FRAS1: variants seen among roughly 807,000 people sequenced by gnomAD.
FRAS1 encodes Fraser extracellular matrix complex subunit 1, also known as extracellular matrix organizing protein FRAS1.
FRAS1 carries 290 observed loss-of-function variants against 435.2 expected under a neutral mutation model. That is an observed-to-expected ratio of 0.67 (90% confidence interval 0.61 to 0.73). The LOEUF is 0.73. Among genes scored for constraint, FRAS1 ranks in the 30% least tolerant of loss-of-function variants. The pLI, the probability that FRAS1 is intolerant of heterozygous loss-of-function variation, is 0.00. For synonymous variants in FRAS1, 1,800 were observed against 1,851.0 expected (o/e 0.97, Z 0.71); for missense variants, 4,860 against 5,001.5 (o/e 0.97, Z 0.85).
At chr4:78,514,737 C>G (rs373919608) in intron 65 of FRAS1, among the ~76,000 whole-genome samples, 13 of 152,210 alleles carry the variant, frequency 8.5e-5, no homozygotes, top group African/African-American at 2.9e-4. Flanking sequence ...ATTTATCAAC[C>G]CTTTTAAAAT....
chr4:78,116,324 G>T (rs1431629114), intron 2 of FRAS1, among the ~76,000 whole-genome samples: 1 of 152,186 alleles, frequency 6.6e-6, no homozygotes, highest in Non-Finnish European at 1.5e-5. Context: ...GGGGTGGAGA[G>T]TTCTGCAGAT....
At chr4:78,182,751 G>A (rs1407667760) in intron 2 of FRAS1, among the ~76,000 whole-genome samples, 2 of 151,882 alleles carry the variant, frequency 1.3e-5, no homozygotes, top group Non-Finnish European at 2.9e-5. Flanking sequence ...ATGGTGGCAC[G>A]TGCCTGTAAT....
intron 14 of FRAS1, among the ~76,000 whole-genome samples, chr4:78,301,978 A>T (rs1248506151): frequency 1.3e-5 from 2 of 149,874 alleles, no homozygotes; most frequent in Non-Finnish European, 2.9e-5. Flanking sequence ...AGCATTAGGT[A>T]TATCTCCCAA....
At chr4:78,285,567 A>C (rs1727549249) in intron 13 of FRAS1, among the ~76,000 whole-genome samples, 1 of 151,308 alleles carries the variant, frequency 6.6e-6, no homozygotes, top group Non-Finnish European at 1.5e-5. Context: ...TGAGTAGCTG[A>C]GATTACAGGC....
rs1722088768 is a variant in FRAS1, at chr4:78,542,498, G to A, written c.*1374G>A. 6.5e-6 allele frequency: 1 copy of A among 152,764 alleles called. No homozygotes were observed. Among genetic ancestry groups the A allele is most frequent in the South Asian group, 2.1e-4 (1 of 4,826 alleles). 9.5% of individuals were successfully genotyped at this position (152,764 alleles called of 1,614,324 possible). A position where few individuals can be genotyped will look rare whatever the true frequency, so the allele number is the denominator to read the frequency against. On this transcript the variant is annotated 3_prime_UTR_variant, in exon 74 of 74. Coordinates refer to ENST00000512123, the MANE Select transcript of FRAS1 (RefSeq NM_025074.7). Reference sequence around the variant, plus strand: ...AGTAAAAGACATGTCCTCTTCTGATGCATGGCACACCATAGTCACCAAGCA... The same window carrying A: ...AGTAAAAGACATGTCCTCTTCTGATACATGGCACACCATAGTCACCAAGCA...
intron 2 of FRAS1, among the ~76,000 whole-genome samples, chr4:78,201,202 G>A (rs1005868081): frequency 2.6e-5 from 4 of 152,062 alleles, no homozygotes; most frequent in Non-Finnish European, 4.4e-5. Context: ...TGGGAACACC[G>A]GTGCTTTTCA....
At chr4:78,191,851 T>C (rs1290356905) in intron 2 of FRAS1, among the ~76,000 whole-genome samples, 1 of 152,190 alleles carries the variant, frequency 6.6e-6, no homozygotes, top group Non-Finnish European at 1.5e-5. Context: ...TTCATCCATG[T>C]CCCTACAAAG....
intron 31 of FRAS1, among the ~76,000 whole-genome samples, chr4:78,411,547 T>C (rs1399822502): frequency 6.6e-6 from 1 of 152,192 alleles, no homozygotes; most frequent in Non-Finnish European, 1.5e-5. Context: ...CATGGCATAG[T>C]GCAAAGAAAG....
At chr4:78,205,034 G>A (rs1723198885) in intron 2 of FRAS1, among the ~76,000 whole-genome samples, 1 of 152,170 alleles carries the variant, frequency 6.6e-6, no homozygotes, top group Non-Finnish European at 1.5e-5. Context: ...GGGACTTGCT[G>A]GGTGGTGGAG....
chr4:78,091,823 A>C (rs567523601), intron 2 of FRAS1, among the ~76,000 whole-genome samples: 2 of 151,960 alleles, frequency 1.3e-5, no homozygotes, highest in African/African-American at 2.4e-5. Context: ...ACATTTGACC[A>C]AATGAATATA....
intron 52 of FRAS1, among the ~76,000 whole-genome samples, chr4:78,472,748 A>T (rs1375176160): frequency 1.3e-5 from 2 of 152,226 alleles, no homozygotes; most frequent in Admixed American, 6.5e-5. Context: ...TCAGCCTAGA[A>T]ATTAAAATCA....
At chr4:78,087,922 C>T (rs1741281427) in intron 2 of FRAS1, among the ~76,000 whole-genome samples, 1 of 152,296 alleles carries the variant, frequency 6.6e-6, no homozygotes, top group African/African-American at 2.4e-5. Context: ...TTGGAAAAAA[C>T]TACTTTAAAG....
At chr4:78,292,906 C>T (rs1159135534) in intron 14 of FRAS1, among the ~76,000 whole-genome samples, 1 of 152,208 alleles carries the variant, frequency 6.6e-6, no homozygotes, top group Non-Finnish European at 1.5e-5. Flanking sequence ...TTCAGAACTT[C>T]TTTGGCATTC....
intron 2 of FRAS1, chr4:78,072,079 T>C (rs1464319150): frequency 2.6e-5 from 4 of 152,098 alleles, no homozygotes; most frequent in Non-Finnish European, 5.9e-5. Context: ...GATCAATGCT[T>C]TCTTGAATAA....
In FRAS1 at chr4:78,379,940, C is replaced by T. The variant is rs753364630; in HGVS notation, c.3507C>T (p.Ser1169=). Residue 1169 remains serine (S), a synonymous_variant, in exon 27 of 74, where the codon AGC becomes AGT. Transcript: ENST00000512123. ...AGCTGGACAAGGCTGGCCGTTTTAG[C>T]TGGAAAGATGTGAACGAGAAGAAAG... ...EVQLDKAGRF[S]WKDVNEKKVR... 8.1e-6 allele frequency: 13 copies of T among 1,613,832 alleles called. No homozygotes were observed. Among genetic ancestry groups the T allele is most frequent in the Middle Eastern group, 1.7e-4 (1 of 6,060 alleles).
chr4:78,302,138 AATG>A (rs1474509018), intron 14 of FRAS1, among the ~76,000 whole-genome samples: 1 of 150,790 alleles, frequency 6.6e-6, no homozygotes, highest in East Asian at 1.9e-4. Context: ...GTTTACTGAG[AATG>A]ATGATTTCCA....
chr4:78,094,951 A>G (rs971398599), intron 2 of FRAS1, among the ~76,000 whole-genome samples: 9 of 152,314 alleles, frequency 5.9e-5, no homozygotes, highest in East Asian at 3.9e-4. Context: ...ATATTATTTA[A>G]TCTGTCAAAC....
chr4:78,515,796 C>T lies in FRAS1; in HGVS notation c.10175-3C>T, dbSNP rs762293003. Reference sequence around the variant, plus strand: ...TCGTTCCTTGTTCTTCCCTCCCTGGCAGAGGCAGGGTTCCTGGATGATGTG... The same window carrying T: ...TCGTTCCTTGTTCTTCCCTCCCTGGTAGAGGCAGGGTTCCTGGATGATGTG... On this transcript the variant is annotated splice_polypyrimidine_tract_variant and splice_region_variant and intron_variant, in intron 65 of 73. Transcript: ENST00000512123. The T allele has an allele frequency of 4.3e-6, 7 of 1,613,132 alleles. No homozygotes were observed. The highest frequency in any genetic ancestry group is 1.3e-5 in the African/African-American group (1 of 75,016).
chr4:78,200,178 C>T (rs529416219), intron 2 of FRAS1, among the ~76,000 whole-genome samples: 18 of 152,202 alleles, frequency 1.2e-4, no homozygotes, highest in African/African-American at 3.9e-4. Flanking sequence ...ATGTTACTGT[C>T]GACAGTAGGT....
Sources: gnomAD v4.1 joint callset for allele counts (sites outside exome capture counted in the v4.1 genomes callset) on GRCh38, gnomAD v4.1.1 for gene constraint, MANE v1.5 for transcripts, NCBI Gene and HGNC (gene_info 2026-07-23, HGNC 2026-07-21) for gene names.